Variants in MEFV observed in about 807,000 individuals in gnomAD.
MEFV encodes MEFV innate immunity regulator, pyrin.
MEFV carries 60 observed loss-of-function variants against 62.5 expected under a neutral mutation model. That is an observed-to-expected ratio of 0.96 (90% CI 0.78 to 1.19). MEFV has a LOEUF of 1.19. Ranked by LOEUF, MEFV falls within the 50% of genes most tolerant of loss-of-function variation. MEFV has a pLI of 0.00. For missense variants in MEFV, 1,169 were observed against 1,004.5 expected (o/e 1.16, Z -2.21); for synonymous variants, 500 against 415.2 (o/e 1.20, Z -2.48).
At position 3,243,280 on chromosome 16, in the gene MEFV, G is replaced by C. The variant is rs1567231331; in HGVS notation, c.2207C>G (p.Ala736Gly). The change falls in exon 10 of 10, where the codon GCC becomes GGC. Residue 736 changes from alanine to glycine, a missense_variant. Transcript: ENST00000219596. ...VGSISFYNVT[A>G]RSHIYTFASC... ...GGCGAATGTATAGATGTGGGATCTG[G>C]CTGTCACATTGTAAAAGGAGATGCT... 6.2e-7 allele frequency: 1 copy of C among 1,614,188 alleles called. No individual in the cohort carries two copies. The highest frequency in any genetic ancestry group is 1.7e-5 in the Admixed American group (1 of 60,018).
intron 5 of MEFV, 96 bp downstream of exon 5, chr16:3,246,920 C>G (rs142314576): frequency 3.0e-5 from 36 of 1,216,630 alleles, no homozygotes; most frequent in Non-Finnish European, 4.4e-5. Flanking sequence ...AGGGGCTTCA[C>G]CCACTTGTTC....
At position 3,254,486 on chromosome 16, in the gene MEFV, T is replaced by A. The variant is rs1010348269; in HGVS notation, c.582A>T (p.Leu194=). 6.3e-7 allele frequency: 1 copy of A among 1,587,736 alleles called. No individual in the cohort carries two copies. The highest frequency in any genetic ancestry group is 8.6e-7 in the Non-Finnish European group (1 of 1,169,188). The change falls in exon 2 of 10, where the codon CTA becomes CTT. Residue 194 remains leucine, a synonymous_variant. Transcript: ENST00000219596. ...GGRSPGPCRA[L]EGGQAEVRLR... ...GCCGGACCTCGGCCTGGCCCCCCTC[T>A]AGCGCCCTGCAGGGGCCGGGGCTTC... is the stretch of plus-strand genomic sequence containing the variant.
At chr16:3,252,067 TTA>T in intron 2 of MEFV, 1 of 293,658 alleles carries the variant, frequency 3.4e-6, no homozygotes, top group Non-Finnish European at 6.9e-6. Context: ...AAAAAAAAAA[TTA>T]AAAAAAATAC....
Position 3,254,358 on chromosome 16 carries a change from T to C in MEFV, c.710A>G (p.Lys237Arg). Residue 237 changes from lysine to arginine, a missense_variant, in exon 2 of 10, where the codon AAG becomes AGG. Physicochemically the swap from Lys to Arg is conservative, Grantham distance 26. Transcript: ENST00000219596. ...GACCTCAAGGCTTCTAGGTCGCATC[T>C]TTCCCGAGGGCAGGTACACTTCGAA... ...RPFEVYLPSG[K>R]MRPRSLEVTI... is the part of the protein sequence containing the mutation. 1 of 1,614,242 alleles carries C rather than the reference T, an allele frequency of 6.2e-7. No homozygotes were observed. The highest frequency in any genetic ancestry group is 8.5e-7 in the Non-Finnish European group (1 of 1,180,020).
At chr16:3,252,899 G>A (rs1314142202) in intron 2 of MEFV, among the ~76,000 whole-genome samples, 1 of 139,830 alleles carries the variant, frequency 7.2e-6, no homozygotes, top group African/African-American at 2.7e-5. Flanking sequence ...GCAGTAAACT[G>A]TGCTCACACT....
At chr16:3,256,218 G>C (rs1959112910) in intron 1 of MEFV, 93 bp downstream of exon 1, 3 of 1,459,310 alleles carry the variant, frequency 2.1e-6, no homozygotes, top group Non-Finnish European at 2.8e-6. Context: ...CCAATCCCCA[G>C]GTCAGAGTGA....
chr16:3,247,268 G>A (rs369528088), intron 4 of MEFV, 22 bp from the exon 5 acceptor site: 3 of 1,609,728 alleles, frequency 1.9e-6, no homozygotes, highest in Non-Finnish European at 2.5e-6. Context: ...AGGACAGGGA[G>A]GTATGGGGGT....
At chr16:3,255,486 C>A (rs1270632477) in intron 1 of MEFV, among the ~76,000 whole-genome samples, 1 of 152,034 alleles carries the variant, frequency 6.6e-6, no homozygotes, top group African/African-American at 2.4e-5. Flanking sequence ...CTCTGCCTCC[C>A]AGGCTCAAGC....
In MEFV at chr16:3,243,083, T is replaced by G; in HGVS notation, c.*58A>C. 6.4e-7 allele frequency: 1 copy of G among 1,572,082 alleles called. No homozygotes were observed. The highest frequency in any genetic ancestry group is 8.7e-7 in the Non-Finnish European group (1 of 1,144,022). On this transcript the variant is annotated 3_prime_UTR_variant, in exon 10 of 10. Coordinates refer to ENST00000219596, the MANE Select transcript of MEFV (RefSeq NM_000243.3). ...CACCTAGTCGGCATTCCGTGACTAT[T>G]GAGTGTGAATGCAAGATACAAGGCC...
At chr16:3,250,878 G>A (rs926121348) in intron 2 of MEFV, among the ~76,000 whole-genome samples, 2 of 151,598 alleles carry the variant, frequency 1.3e-5, no homozygotes, top group African/African-American at 2.4e-5. Flanking sequence ...ACAAAAATTA[G>A]CCGGACGTGG....
chr16:3,243,416 C>G lies in MEFV; in HGVS notation c.2071G>C (p.Val691Leu). ...TACTCATTTTCCTTCATCATTATCA[C>G]CACCCAGTAGCCATTCTCTGGCGAC... ...TLSPENGYWV[V>L]IMMKENEYQA... Residue 691 changes from valine to leucine, a missense_variant, in exon 10 of 10, where the codon GTG becomes CTG. Physicochemically the swap from Val to Leu is conservative, Grantham distance 32. Coordinates refer to ENST00000219596, the MANE Select transcript of MEFV (RefSeq NM_000243.3). 6.2e-7 allele frequency: 1 copy of G among 1,614,174 alleles called. No homozygotes were observed. Among genetic ancestry groups the G allele is most frequent in the Non-Finnish European group, 8.5e-7 (1 of 1,180,024 alleles).
intron 6 of MEFV, 92 bp from the exon 7 acceptor site, chr16:3,244,680 G>T (rs1958912858): frequency 3.3e-6 from 3 of 898,914 alleles, no homozygotes; most frequent in Non-Finnish European, 5.5e-6. Flanking sequence ...TCTCCACAGG[G>T]CACACCTAGC....
chr16:3,244,209 C>A (rs781276668), intron 8 of MEFV, 45 bp downstream of exon 8: 1 of 1,613,524 alleles, frequency 6.2e-7, no homozygotes, highest in Non-Finnish European at 8.5e-7. Flanking sequence ...CAAGGGAACA[C>A]TGCAACAACC....
chr16:3,243,569 T>C lies in MEFV; in HGVS notation c.1918A>G (p.Ile640Val). ...PDGPQRFDSC[I>V]IVLGSPSFLS... ...AAACTCGGAGAGCCCAGAACAATGA[T>C]ACAGCTGTCAAATCTTTGCGGGCCA... Residue 640 changes from isoleucine (I) to valine (V), a missense_variant, in exon 10 of 10, where the codon ATC becomes GTC. Coordinates refer to ENST00000219596, the MANE Select transcript of MEFV (RefSeq NM_000243.3). 6.2e-7 allele frequency: 1 copy of C among 1,609,942 alleles called. No individual in the cohort carries two copies. The highest frequency in any genetic ancestry group is 1.3e-5 in the African/African-American group (1 of 74,806).
At position 3,254,482 on chromosome 16, in the gene MEFV, C is replaced by A. The variant is rs104895179; in HGVS notation, c.586G>T (p.Gly196Trp). 9.1e-4 allele frequency: 1,452 copies of A among 1,587,236 alleles called. 17 individuals carry two copies. In the African/African-American group the frequency reaches 0.017, roughly 18 times the overall value. ...RSPGPCRALEGGQAEVRLRRN... is the reference protein window; with the variant it reads ...RSPGPCRALEWGQAEVRLRRN... ...CGCAGCCGGACCTCGGCCTGGCCCC[C>A]CTCTAGCGCCCTGCAGGGGCCGGGG... The change falls in exon 2 of 10, where the codon GGG (glycine) becomes TGG (tryptophan). Residue 196 changes from glycine (G) to tryptophan (W), a missense_variant. By Grantham distance (184) the Gly-to-Trp change is radical. Coordinates refer to ENST00000219596, the MANE Select transcript of MEFV (RefSeq NM_000243.3).
Position 3,254,645 on chromosome 16 carries a change from G to A in MEFV, c.423C>T (p.Ser141=), listed in dbSNP as rs1244987038. Residue 141 remains serine, a synonymous_variant, in exon 2 of 10, where the codon AGC becomes AGT. Transcript: ENST00000219596. ...CGGCCTCGGGCTGGCTGCACCGCAG[G>A]CTGGCAGCTCCGCCCCCGTACGGCC... ...GPRPYGGGAA[S]LRCSQPEAGR... is the part of the protein sequence containing the mutation. 1.2e-6 allele frequency: 2 copies of A among 1,607,924 alleles called. No individual in the cohort carries two copies. Among genetic ancestry groups the A allele is most frequent in the Non-Finnish European group, 1.7e-6 (2 of 1,178,298 alleles).
Position 3,254,533 on chromosome 16 carries a change from T to C in MEFV, c.535A>G (p.Ser179Gly). ...CTTCTCCCGCCCGGCAGGGCCGGGC[T>C]CCGGGTCCGAGGCTTGCCCTGCGCG... Reference protein sequence around the residue: ...LDAQGKPRTRSPALPGGRSPG... With the variant: ...LDAQGKPRTRGPALPGGRSPG... The change falls in exon 2 of 10, where the codon AGC (serine) becomes GGC (glycine). Residue 179 changes from serine (S) to glycine (G), a missense_variant. Physicochemically the swap from Ser to Gly is moderately conservative, Grantham distance 56. Transcript: ENST00000219596. The C allele has an allele frequency of 1.9e-6, 3 of 1,555,316 alleles. No individual in the cohort carries two copies. Among genetic ancestry groups the C allele is most frequent in the Non-Finnish European group, 2.6e-6 (3 of 1,153,898 alleles).
chr16:3,254,119 C>G, intron 2 of MEFV, 39 bp downstream of exon 2: 1 of 1,608,648 alleles, frequency 6.2e-7, no homozygotes, highest in South Asian at 1.1e-5. Context: ...GCCATTCTTT[C>G]TCTGCAGCCG....
chr16:3,243,408 CA>C lies in MEFV; in HGVS notation c.2078del (p.Met693ArgfsTer2). The C allele has an allele frequency of 1.9e-6, 3 of 1,614,158 alleles. No homozygotes were observed. The highest frequency in any genetic ancestry group is 2.5e-6 in the Non-Finnish European group (3 of 1,180,008). On this transcript the variant is annotated frameshift_variant, in exon 10 of 10. Transcript: ENST00000219596. LOFTEE classifies it low-confidence loss of function (END_TRUNC). ...SPENGYWVVI[M>X]MKENEYQASS... ...ACGCCTGGTACTCATTTTCCTTCAT[CA>C]TTATCACCACCCAGTAGCCATTCTC...
Sources: allele counts gnomAD v4.1 joint callset (sites outside exome capture counted in the v4.1 genomes callset), GRCh38; gene constraint gnomAD v4.1.1; transcripts MANE v1.5; gene names NCBI Gene and HGNC (gene_info 2026-07-23, HGNC 2026-07-21).